CNKSR2: variants seen among roughly 807,000 people sequenced by gnomAD.
CNKSR2 encodes CNK homolog protein 2.
A neutral mutation model predicts 84.4 loss-of-function variants in CNKSR2; 14 were observed. That is an observed-to-expected ratio of 0.17 (90% CI 0.11 to 0.26). The LOEUF (loss-of-function observed/expected upper bound fraction) is 0.26, where lower values mean the gene tolerates loss of function less well. Ranked by LOEUF, CNKSR2 falls within the 10% of genes least tolerant of loss-of-function variation. The probability of loss-of-function intolerance (pLI) is 1.00; values close to 1 mark genes in which losing one functional copy is unlikely to be tolerated. For synonymous variants in CNKSR2, 275 were observed against 277.9 expected (o/e 0.99, Z 0.10); for missense variants, 485 against 771.2 (o/e 0.63, Z 4.40).
intron 8 of CNKSR2, among the ~76,000 whole-genome samples, chrX:21,509,971 A>G (rs1428923702): frequency 1.8e-5 from 2 of 111,886 alleles, no homozygotes; most frequent in Non-Finnish European, 3.8e-5. Context: ...AGAACATTAT[A>G]ATAAATATGT....
chrX:21,470,321 T>A (rs942604584), intron 4 of CNKSR2, among the ~76,000 whole-genome samples: 3 of 111,690 alleles, frequency 2.7e-5, no homozygotes, highest in Non-Finnish European at 5.6e-5. Flanking sequence ...AATATAAAAG[T>A]ATTTGAGATT....
chrX:21,395,374 T>A (rs1456977718), intron 1 of CNKSR2, among the ~76,000 whole-genome samples: 5 of 111,930 alleles, frequency 4.5e-5, no homozygotes, highest in African/African-American at 1.6e-4. Flanking sequence ...TATTACTACT[T>A]CTTCAATCTT....
intron 1 of CNKSR2, among the ~76,000 whole-genome samples, chrX:21,412,597 T>A (rs1035717406): frequency 8.9e-6 from 1 of 111,802 alleles, no homozygotes; most frequent in Admixed American, 9.5e-5. Context: ...ATGCTAAATT[T>A]AGCAAATCAT....
At chrX:21,511,981 T>A (rs1052915161) in intron 8 of CNKSR2, among the ~76,000 whole-genome samples, 3 of 111,790 alleles carry the variant, frequency 2.7e-5, no homozygotes, top group Non-Finnish European at 5.7e-5. Context: ...TGGGGGCTCC[T>A]GTTGCACTCT....
At position 21,512,850 on chromosome X, in the gene CNKSR2, T is replaced by G. The variant is rs534036989; in HGVS notation, c.811-3635T>G. On this transcript the variant is annotated intron_variant, in intron 8 of 21. Transcript: ENST00000379510. Reference sequence around the variant, plus strand: ...TGTATTCATGTAAGCTACCAGTGGATATTCAAGGGAAGATACTGTGCTTTA... The same window carrying G: ...TGTATTCATGTAAGCTACCAGTGGAGATTCAAGGGAAGATACTGTGCTTTA... 9.8e-5 allele frequency among the ~76,000 whole-genome samples: 11 copies of G among 111,694 alleles called. No individual in the cohort carries two copies. The South Asian group carries it at 4.1e-3, about 42-fold the overall frequency.
At chrX:21,413,740 A>G (rs1273978119) in intron 1 of CNKSR2, among the ~76,000 whole-genome samples, 1 of 111,004 alleles carries the variant, frequency 9.0e-6, no homozygotes, top group Non-Finnish European at 1.9e-5. Flanking sequence ...TTCACTTGAC[A>G]TAATGATCTC....
chrX:21,374,546 C>G lies in CNKSR2; in HGVS notation c.-352C>G. On this transcript the variant is annotated 5_prime_UTR_variant, in exon 1 of 22. Coordinates refer to ENST00000379510, the MANE Select transcript of CNKSR2 (RefSeq NM_014927.5). ...CGACGCGACCCCTCAGCAACTCAAG[C>G]TATGAACTGAAGCTCCCTAGGGACG... 2.2e-6 allele frequency: 1 copy of G among 460,355 alleles called. No individual in the cohort carries two copies. The highest frequency in any genetic ancestry group is 3.8e-6 in the Non-Finnish European group (1 of 261,144). 37.9% of individuals were successfully genotyped at this position (460,355 alleles called of 1,213,427 possible).
intron 13 of CNKSR2, among the ~76,000 whole-genome samples, chrX:21,575,462 A>G (rs2092313305): frequency 9.0e-6 from 1 of 111,636 alleles, no homozygotes; most frequent in African/African-American, 3.3e-5. Flanking sequence ...AGATTTAAAG[A>G]TTCACAAATA....
intron 4 of CNKSR2, among the ~76,000 whole-genome samples, chrX:21,442,579 G>C (rs1294251574): frequency 8.9e-6 from 1 of 112,056 alleles, no homozygotes; most frequent in Non-Finnish European, 1.9e-5. Flanking sequence ...ATGGGGCAAG[G>C]TTGTAATCTT....
intron 13 of CNKSR2, among the ~76,000 whole-genome samples, chrX:21,573,820 C>T (rs1356614055): frequency 8.9e-6 from 1 of 111,844 alleles, no homozygotes; most frequent in Non-Finnish European, 1.9e-5. Context: ...ACATTTTCCC[C>T]ATTGTTTTGG....
At chrX:21,395,039 C>T (rs1242763389) in intron 1 of CNKSR2, among the ~76,000 whole-genome samples, 1 of 111,853 alleles carries the variant, frequency 8.9e-6, no homozygotes, top group African/African-American at 3.2e-5. Flanking sequence ...AGCATTAAGA[C>T]TGCAAATTAG....
At chrX:21,476,055 A>C (rs2091257848) in intron 5 of CNKSR2, among the ~76,000 whole-genome samples, 1 of 110,904 alleles carries the variant, frequency 9.0e-6, no homozygotes, top group African/African-American at 3.3e-5. Context: ...GAGGTGGTGT[A>C]TCTTTCCCTG....
chrX:21,599,901 C>T (rs2092471922), intron 17 of CNKSR2, among the ~76,000 whole-genome samples: 1 of 110,913 alleles, frequency 9.0e-6, no homozygotes, highest in Admixed American at 9.5e-5. Flanking sequence ...AAAACATTGT[C>T]ATGAAGTTTA....
chrX:21,465,593 T>C (rs2091116522), intron 4 of CNKSR2, among the ~76,000 whole-genome samples: 1 of 111,151 alleles, frequency 9.0e-6, no homozygotes, highest in African/African-American at 3.3e-5. Flanking sequence ...TTTGTAAAAG[T>C]ATACAATATA....
chrX:21,534,182 A>G (rs1416872890), intron 11 of CNKSR2, among the ~76,000 whole-genome samples: 1 of 110,509 alleles, frequency 9.0e-6, no homozygotes, highest in Non-Finnish European at 1.9e-5. Context: ...GCAAACATGC[A>G]GTATTTATCT....
intron 11 of CNKSR2, among the ~76,000 whole-genome samples, chrX:21,541,113 G>A (rs772378410): frequency 9.1e-6 from 1 of 109,460 alleles, no homozygotes; most frequent in East Asian, 2.9e-4. Flanking sequence ...CTTCCAAGTA[G>A]GTGGGACTAC....
chrX:21,379,617 A>G (rs2089869057), intron 1 of CNKSR2, among the ~76,000 whole-genome samples: 1 of 112,240 alleles, frequency 8.9e-6, no homozygotes, highest in Non-Finnish European at 1.9e-5. Context: ...CAAGGAGTAT[A>G]TTTATGTAGA....
In CNKSR2 at chrX:21,497,528, T is replaced by A. The variant is rs182097005; in HGVS notation, c.682-259T>A. Among the ~76,000 whole-genome samples the A allele has an allele frequency of 3.5e-3, 387 of 111,457 alleles. 2 individuals carry two copies. The highest frequency in any genetic ancestry group is 0.012 in the African/African-American group (366 of 30,749). ...GAATATTGAATTACCATGCTGCATT[T>A]TATCAGTCTCACAGGCAATTCACTT... On this transcript the variant is annotated intron_variant, in intron 6 of 21. Transcript: ENST00000379510.
chrX:21,517,949 C>T (rs185679434), intron 9 of CNKSR2, among the ~76,000 whole-genome samples: 60 of 111,797 alleles, frequency 5.4e-4, no homozygotes, highest in South Asian at 7.4e-4. Context: ...AACTTTACTA[C>T]TTATTGGCCG....
Sources: gnomAD v4.1 joint callset for allele counts (sites outside exome capture counted in the v4.1 genomes callset) on GRCh38, gnomAD v4.1.1 for gene constraint, MANE v1.5 for transcripts, NCBI Gene and HGNC (gene_info 2026-07-23, HGNC 2026-07-21) for gene names.